The following SIN3B variants were observed in gnomAD, a reference collection of about 807,000 sequenced individuals.
SIN3B encodes the protein paired amphipathic helix protein Sin3b.
A neutral mutation model predicts 120.2 loss-of-function variants in SIN3B; 19 were observed. The ratio of observed to expected loss-of-function variants is 0.16; its 90% CI spans 0.11 to 0.23. The LOEUF is 0.23. Ranked by LOEUF, SIN3B falls within the 10% of genes least tolerant of loss-of-function variation. The probability of loss-of-function intolerance (pLI) is 1.00; values close to 1 mark genes in which losing one functional copy is unlikely to be tolerated. For missense variants in SIN3B, 1,073 were observed against 1,573.0 expected, an observed-to-expected ratio of 0.68 and a Z score of 5.38; for synonymous variants, 654 against 653.2, an observed-to-expected ratio of 1.00 and a Z score of -0.02.
Position 16,841,923 on chromosome 19 carries a change from C to T in SIN3B, c.537C>T (p.His179=). 1 of 1,614,086 alleles carries T rather than the reference C, an allele frequency of 6.2e-7. No homozygotes were observed. The highest frequency in any genetic ancestry group is 8.5e-7 in the Non-Finnish European group (1 of 1,180,020). ...VNKIKTRFLD[H]PEIYRSFLEI... The stretch of plus-strand genomic sequence containing the variant: ...AGATTAAAACCCGCTTCCTAGACCA[C>T]CCAGAAATCTACAGGTCATTCCTGG... The change falls in exon 4 of 19, where the codon CAC becomes CAT. Residue 179 remains histidine, a synonymous_variant. Coordinates refer to ENST00000248054, the MANE Select transcript of SIN3B (RefSeq NM_001297595.2).
Position 16,859,324 on chromosome 19 carries a change from G to A in SIN3B, c.1059-3028G>A, listed in dbSNP as rs553438592. 5.9e-4 allele frequency among the ~76,000 whole-genome samples: 89 copies of A among 152,092 alleles called. 1 individual carries two copies. Among genetic ancestry groups the A allele is most frequent in the African/African-American group, 2.1e-3 (85 of 41,462 alleles). ...CACAGTGGCTGCTGGGCTTCGGTGT[G>A]TATTTTTTTTTTTAACTCAGCATTT... On this transcript the variant is annotated intron_variant, in intron 8 of 18. Transcript: ENST00000248054.
rs767103432 is a variant in SIN3B at position 16,865,582 on chromosome 19, A to G, written c.1556A>G (p.Lys519Arg). 1 of 1,613,168 alleles carries G rather than the reference A, an allele frequency of 6.2e-7. No individual in the cohort carries two copies. Among genetic ancestry groups the G allele is most frequent in the Non-Finnish European group, 8.5e-7 (1 of 1,179,522 alleles). ...GCCATTTATCGCATCTATGGCGACA[A>G]GGCCCCGGAGATCATCGAGAGCCTC... is the stretch of plus-strand genomic sequence containing the variant. Reference protein sequence around the residue: ...RRAIYRIYGDKAPEIIESLKK... With the variant: ...RRAIYRIYGDRAPEIIESLKK... Residue 519 changes from lysine (K) to arginine (R), a missense_variant, in exon 11 of 19, where the codon AAG (lysine) becomes AGG (arginine). By Grantham distance (26) the Lys-to-Arg change is conservative (BLOSUM62 2). Coordinates refer to ENST00000248054, the MANE Select transcript of SIN3B (RefSeq NM_001297595.2).
chr19:16,867,591 C>T (rs1223601158), intron 12 of SIN3B, among the ~76,000 whole-genome samples: 1 of 152,232 alleles, frequency 6.6e-6, no homozygotes, highest in Non-Finnish European at 1.5e-5. Flanking sequence ...CAGATCATGG[C>T]ACGGGCTGCG....
In SIN3B at chr19:16,846,673, C is replaced by G. The variant is rs549263619; in HGVS notation, c.583-297C>G. Among the ~76,000 whole-genome samples, 3 of 152,208 alleles carry G rather than the reference C, an allele frequency of 2.0e-5. No homozygotes were observed. The South Asian group carries it at 6.2e-4, about 31-fold the overall frequency. ...CCTTGGGAAGGCCTGGGGTTCGCCC[C>G]TGACCTTGTACTTCCCCGGCCCACC... On this transcript the variant is annotated intron_variant, in intron 4 of 18. Coordinates refer to ENST00000248054, the MANE Select transcript of SIN3B (RefSeq NM_001297595.2).
At chr19:16,849,426 G>A (rs560227985) in intron 5 of SIN3B, among the ~76,000 whole-genome samples, 7 of 152,214 alleles carry the variant, frequency 4.6e-5, no homozygotes, top group African/African-American at 7.2e-5. Context: ...GGGTGTGGCC[G>A]GGTACCAACA....
rs1435395681 is a variant in SIN3B at position 16,862,321 on chromosome 19, G to A, written c.1059-31G>A. The A allele has an allele frequency of 1.9e-6, 3 of 1,579,666 alleles. No homozygotes were observed. The highest frequency in any genetic ancestry group is 1.1e-5 in the South Asian group (1 of 89,906). ...ATCCCTCTCAGAAGGCCCTGGGGAT[G>A]ACCAGTTACCATGTGTCTTTATCTT... On this transcript the variant is annotated intron_variant, in intron 8 of 18. Transcript: ENST00000248054. The surrounding 1 kb of genome is among the most constrained non-coding windows in gnomAD (Gnocchi z 4.7).
intron 3 of SIN3B, among the ~76,000 whole-genome samples, chr19:16,839,793 G>A (rs1971394130): frequency 6.6e-6 from 1 of 152,128 alleles, no homozygotes; most frequent in Admixed American, 6.5e-5. Flanking sequence ...GGCCAAGGTG[G>A]GCAGATCACT....
Position 16,876,563 on chromosome 19 carries a change from C to G in SIN3B, c.2844C>G (p.Asp948Glu). 2 of 1,613,250 alleles carry G rather than the reference C, an allele frequency of 1.2e-6. No individual in the cohort carries two copies. The highest frequency in any genetic ancestry group is 1.7e-6 in the Non-Finnish European group (2 of 1,179,780). The part of the protein sequence containing the change: ...LLDTEEAQTE[D>E]PVEVQHLARY... ...ACACCGAGGAGGCCCAGACGGAGGA[C>G]CCTGTGGAGGTCCAGGTGAGGCCCT... Residue 948 changes from aspartate (D) to glutamate (E), a missense_variant, in exon 16 of 19, where the codon GAC (aspartate) becomes GAG (glutamate). This residue lies in a region of SIN3B where 311 missense variants were observed against 400.3 expected (regional missense o/e 0.78). Transcript: ENST00000248054. This position sits in a 1 kb window ranked among gnomAD's most constrained non-coding sequence, Gnocchi z 7.1.
rs760310859 is a variant in SIN3B, at chr19:16,829,911, C to T, written c.227+14C>T. Reference sequence around the variant, plus strand: ...CAAAAGCCAGAGGTACCAGCGGGGCCCCTCTCCACCTCAGGGGACCCCCCT... The same window carrying T: ...CAAAAGCCAGAGGTACCAGCGGGGCTCCTCTCCACCTCAGGGGACCCCCCT... On this transcript the variant is annotated intron_variant, in intron 2 of 18. Coordinates refer to ENST00000248054, the MANE Select transcript of SIN3B (RefSeq NM_001297595.2). 3.8e-6 allele frequency: 6 copies of T among 1,587,044 alleles called. No homozygotes were observed. The South Asian group carries it at 5.5e-5, about 15-fold the overall frequency.
intron 8 of SIN3B, among the ~76,000 whole-genome samples, chr19:16,858,436 A>G (rs1971644550): frequency 1.3e-5 from 2 of 152,058 alleles, no homozygotes; most frequent in Admixed American, 1.3e-4. Flanking sequence ...ACGGCCTCAG[A>G]GTGATGAACT....
At chr19:16,864,760 G>T (rs1971739923) in intron 10 of SIN3B, among the ~76,000 whole-genome samples, 1 of 151,398 alleles carries the variant, frequency 6.6e-6, no homozygotes, top group Non-Finnish European at 1.5e-5. Context: ...GGAGGCTGAG[G>T]TGGGAGGACT....
chr19:16,878,435 C>T, intron 18 of SIN3B, 45 bp downstream of exon 18: 1 of 1,587,892 alleles, frequency 6.3e-7, no homozygotes, highest in Non-Finnish European at 8.6e-7. Context: ...CCTCCTCACC[C>T]CAAGTCCTGG....
At chr19:16,871,548 T>G (rs2051511815) in intron 14 of SIN3B, 150 bp downstream of exon 14, 2 of 699,410 alleles carry the variant, frequency 2.9e-6, no homozygotes, top group Admixed American at 6.2e-5. Flanking sequence ...AACGTAAAAT[T>G]AACCATTTTG....
At chr19:16,851,679 G>C in intron 6 of SIN3B, 145 bp downstream of exon 6, 1 of 1,050,852 alleles carries the variant, frequency 9.5e-7, no homozygotes, top group South Asian at 1.9e-5. Context: ...CAGTGGGACC[G>C]TTGGAAGTCA....
chr19:16,857,908 ACT>A (rs969919103), intron 8 of SIN3B, among the ~76,000 whole-genome samples: 1 of 151,628 alleles, frequency 6.6e-6, no homozygotes, highest in African/African-American at 2.4e-5. Flanking sequence ...ACGGAGTCTA[ACT>A]CTGTCACCCA....
intron 6 of SIN3B, 64 bp downstream of exon 6, chr19:16,851,598 G>C: frequency 6.6e-7 from 1 of 1,507,640 alleles, no homozygotes; most frequent in Non-Finnish European, 8.9e-7. Flanking sequence ...GGCCTTCCCA[G>C]CATGTGACCA....
At chr19:16,847,585 A>G (rs1045837860) in intron 5 of SIN3B, among the ~76,000 whole-genome samples, 1 of 152,132 alleles carries the variant, frequency 6.6e-6, no homozygotes, top group African/African-American at 2.4e-5. Flanking sequence ...GGCCCTGACC[A>G]TGGTGGTAGA....
intron 3 of SIN3B, among the ~76,000 whole-genome samples, chr19:16,838,635 A>G (rs777865518): frequency 2.6e-5 from 4 of 152,152 alleles, no homozygotes; most frequent in Admixed American, 6.5e-5. Context: ...TGCTGCAACG[A>G]ACATTCATGT....
chr19:16,849,085 T>C (rs983044978), intron 5 of SIN3B, among the ~76,000 whole-genome samples: 4 of 152,250 alleles, frequency 2.6e-5, no homozygotes, highest in African/African-American at 7.2e-5. Context: ...TTTAGAAAGA[T>C]TGGATCAACT....
Sources: gnomAD v4.1 joint callset for allele counts (sites outside exome capture counted in the v4.1 genomes callset) on GRCh38, gnomAD v4.1.1 for gene constraint, gnomAD v4.1.1 regional missense constraint, Gnocchi (gnomAD v3.1) non-coding constraint, MANE v1.5 for transcripts, NCBI Gene and HGNC (gene_info 2026-07-23, HGNC 2026-07-21) for gene names.